PPP2R2D: variants seen among roughly 807,000 people sequenced by gnomAD.
PPP2R2D encodes serine/threonine-protein phosphatase 2A 55 kDa regulatory subunit B delta isoform.
Under a neutral mutation model 31.1 loss-of-function variants are expected in PPP2R2D, and 9 were observed. The ratio of observed to expected loss-of-function variants is 0.29; its 90% CI spans 0.17 to 0.51. The LOEUF is 0.51. PPP2R2D is among the 20% of genes least tolerant of loss of function. The pLI, the probability that PPP2R2D is intolerant of heterozygous loss-of-function variation, is 0.98. For synonymous variants in PPP2R2D, 179 were observed against 172.6 expected (o/e 1.04, Z -0.29); for missense variants, 391 against 465.6 (o/e 0.84, Z 1.48).
chr10:131,949,659 C>G (rs2036604635), intron 8 of PPP2R2D, among the ~76,000 whole-genome samples: 1 of 152,130 alleles, frequency 6.6e-6, no homozygotes, highest in South Asian at 2.1e-4. Flanking sequence ...ACAGCCTGAA[C>G]CAGGAGCCAC....
At chr10:131,951,693 T>C (rs1554898778) in intron 8 of PPP2R2D, among the ~76,000 whole-genome samples, 1 of 152,074 alleles carries the variant, frequency 6.6e-6, no homozygotes, top group Non-Finnish European at 1.5e-5. Context: ...TGGTGGTGCA[T>C]GCCTTTAATC....
Position 131,957,751 on chromosome 10 carries a change from G to C in PPP2R2D, c.*1788G>C, listed in dbSNP as rs1290030554. The C allele has an allele frequency of 6.5e-6, 1 of 153,606 alleles. No homozygotes were observed. Among genetic ancestry groups the C allele is most frequent in the African/African-American group, 2.6e-5 (1 of 37,740 alleles). The allele number at this position is 153,606 out of a possible 1,614,324, so 9.5% of individuals were successfully genotyped here. A position where few individuals can be genotyped will look rare whatever the true frequency, so the allele number is the denominator to read the frequency against. ...CCCATCTCCCTGTGGAGATGAAGGG[G>C]TGTGCCAATCCCCCGCGCCCCTGTG... On this transcript the variant is annotated 3_prime_UTR_variant, in exon 9 of 9. Coordinates refer to ENST00000455566, the MANE Select transcript of PPP2R2D (RefSeq NM_018461.5).
chr10:131,933,206 G>A (rs1004145585), intron 2 of PPP2R2D, among the ~76,000 whole-genome samples: 7 of 152,200 alleles, frequency 4.6e-5, no homozygotes, highest in Admixed American at 1.3e-4. Flanking sequence ...AGTGCCAGCC[G>A]CGGGAGCTTG....
At chr10:131,953,862 C>T (rs577487043) in intron 8 of PPP2R2D, among the ~76,000 whole-genome samples, 5 of 152,214 alleles carry the variant, frequency 3.3e-5, no homozygotes, top group South Asian at 4.1e-4. Flanking sequence ...TCAAATATTG[C>T]AAAATACCCT....
chr10:131,957,425 C>A lies in PPP2R2D; in HGVS notation c.*1462C>A. The A allele has an allele frequency of 5.3e-6, 1 of 189,938 alleles. No homozygotes were observed. Among genetic ancestry groups the A allele is most frequent in the Non-Finnish European group, 1.1e-5 (1 of 91,962 alleles). 11.8% of individuals were successfully genotyped at this position (189,938 alleles called of 1,614,324 possible). ...GTGGAGATGGAGGTGTGTGCTGATC[C>A]CCCATCCCATCCCCCTGTCTAGATG... On this transcript the variant is annotated 3_prime_UTR_variant, in exon 9 of 9. Transcript: ENST00000455566.
chr10:131,930,176 T>C (rs1335496060), intron 2 of PPP2R2D, among the ~76,000 whole-genome samples: 1 of 152,262 alleles, frequency 6.6e-6, no homozygotes, highest in African/African-American at 2.4e-5. Context: ...CTAGGTCTAA[T>C]GATTGCCTGA....
chr10:131,950,640 G>A (rs1373932543), intron 8 of PPP2R2D, among the ~76,000 whole-genome samples: 4 of 152,210 alleles, frequency 2.6e-5, no homozygotes, highest in Non-Finnish European at 5.9e-5. Context: ...AGAGCGAGCT[G>A]TAAAGGGAGC....
the PPP2R2D span, among the ~76,000 whole-genome samples, chr10:131,965,882 G>A: frequency 6.6e-6 from 1 of 152,172 alleles, no homozygotes; most frequent in South Asian, 2.1e-4. Flanking sequence ...CTCATCGCGA[G>A]CTCTTCCCCT....
In PPP2R2D at chr10:131,952,193, TAGC is replaced by T. The variant is rs1221985232; in HGVS notation, c.1083-3488_1083-3486del. Reference sequence around the variant, plus strand: ...GGGTGTGCAGGGGGTTTCACTGTCTTAGCAGTGACTTGCGGGTGTGCGGGGGGG... The same window carrying T: ...GGGTGTGCAGGGGGTTTCACTGTCTTAGTGACTTGCGGGTGTGCGGGGGGG... On this transcript the variant is annotated intron_variant, in intron 8 of 8. Coordinates refer to ENST00000455566, the MANE Select transcript of PPP2R2D (RefSeq NM_018461.5). Among the ~76,000 whole-genome samples the T allele has an allele frequency of 3.1e-4, 18 of 57,876 alleles. 1 individual carries two copies. Among genetic ancestry groups the T allele is most frequent in the South Asian group, 8.5e-4 (1 of 1,172 alleles). 38.0% of individuals were successfully genotyped at this position (57,876 alleles called of 152,430 possible).
intron 2 of PPP2R2D, among the ~76,000 whole-genome samples, chr10:131,901,660 C>G (rs958194715): frequency 2.0e-5 from 3 of 152,170 alleles, no homozygotes; most frequent in Non-Finnish European, 4.4e-5. Context: ...TGCCTCCTGC[C>G]TGGGGCGGAA....
Position 131,944,058 on chromosome 10 carries a change from T to A in PPP2R2D, c.568T>A (p.Ser190Thr). ...NAHTYHINSI[S>T]VNSDHETYLS... ...TCACACATATCATATAAATTCCATT[T>A]CAGTAAATAGTGATCATGAAACATA... The change falls in exon 6 of 9, where the codon TCA becomes ACA. Residue 190 changes from serine (S) to threonine (T), a missense_variant. Ser to Thr is a moderately conservative substitution (Grantham distance 58). This residue lies in a region of PPP2R2D where 123 missense variants were observed against 187.7 expected (regional missense o/e 0.66). Coordinates refer to ENST00000455566, the MANE Select transcript of PPP2R2D (RefSeq NM_018461.5). 1 of 1,604,194 alleles carries A rather than the reference T, an allele frequency of 6.2e-7. No individual in the cohort carries two copies. The highest frequency in any genetic ancestry group is 8.5e-7 in the Non-Finnish European group (1 of 1,171,208).
intron 2 of PPP2R2D, among the ~76,000 whole-genome samples, chr10:131,911,033 C>T (rs1328625085): frequency 6.6e-6 from 1 of 152,138 alleles, no homozygotes; most frequent in Non-Finnish European, 1.5e-5. Flanking sequence ...TATAATAAAC[C>T]GCTAAACTAA....
chr10:131,935,033 C>G (rs1554896273), intron 3 of PPP2R2D: 6 of 450,234 alleles, frequency 1.3e-5, no homozygotes, highest in Non-Finnish European at 2.2e-5. Context: ...CCTCCATGCC[C>G]CCTTGAAGGC....
At chr10:131,948,598 G>A (rs2036583869) in intron 8 of PPP2R2D, among the ~76,000 whole-genome samples, 1 of 152,150 alleles carries the variant, frequency 6.6e-6, no homozygotes, top group Non-Finnish European at 1.5e-5. Context: ...AAACTAAGAG[G>A]GAGCTGAAAC....
chr10:131,949,484 A>G (rs1418632682), intron 8 of PPP2R2D, among the ~76,000 whole-genome samples: 2 of 152,130 alleles, frequency 1.3e-5, no homozygotes, highest in Admixed American at 6.5e-5. Context: ...TCATCTAAAC[A>G]TGAGCTCACA....
At chr10:131,932,660 AAAAAAAAACACAC>A (rs1200328530) in intron 2 of PPP2R2D, among the ~76,000 whole-genome samples, 21 of 149,642 alleles carry the variant, frequency 1.4e-4, no homozygotes, top group South Asian at 8.4e-4. Flanking sequence ...AAAAAAAAAA[AAAAAAAAACACAC>A]AAAAAAAACC....
In PPP2R2D at chr10:131,957,207, CG is replaced by C; in HGVS notation, c.*1245del. The stretch of plus-strand genomic sequence containing the variant: ...GAGATGGAGGTGTGTGCTGATCCCC[CG>C]TCCGCCTGTGGAGATGAAGGTGTGT... On this transcript the variant is annotated 3_prime_UTR_variant, in exon 9 of 9. Transcript: ENST00000455566. 1 of 176,390 alleles carries C rather than the reference CG, an allele frequency of 5.7e-6. No homozygotes were observed. Among genetic ancestry groups the C allele is most frequent in the Non-Finnish European group, 1.2e-5 (1 of 82,410 alleles). The allele number at this position is 176,390 out of a possible 1,614,324, so 10.9% of individuals were successfully genotyped here.
chr10:131,920,402 G>GTA (rs2035960202), intron 2 of PPP2R2D, among the ~76,000 whole-genome samples: 1 of 144,620 alleles, frequency 6.9e-6, no homozygotes, highest in Non-Finnish European at 1.5e-5. Context: ...GAGTGACACA[G>GTA]TGTAGGGACC....
chr10:131,936,336 T>C (rs1370444276), intron 3 of PPP2R2D, among the ~76,000 whole-genome samples: 1 of 151,948 alleles, frequency 6.6e-6, no homozygotes, highest in Non-Finnish European at 1.5e-5. Flanking sequence ...TTAGTAGCGA[T>C]GGGGTTTCAC....
Sources: allele counts gnomAD v4.1 joint callset (sites outside exome capture counted in the v4.1 genomes callset), GRCh38; gene constraint gnomAD v4.1.1; regional missense constraint gnomAD v4.1.1; transcripts MANE v1.5; gene names NCBI Gene and HGNC (gene_info 2026-07-23, HGNC 2026-07-21).